Variants in DLGAP4 observed in about 807,000 individuals in gnomAD.
The protein encoded by DLGAP4 is DLG associated protein 4.
DLGAP4 carries 18 observed loss-of-function variants against 86.9 expected under a neutral mutation model. The ratio of observed to expected loss-of-function variants is 0.21; its 90% CI spans 0.14 to 0.31. The LOEUF is 0.31. Among genes scored for constraint, DLGAP4 ranks in the 10% least tolerant of loss-of-function variants. The pLI, the probability that DLGAP4 is intolerant of heterozygous loss-of-function variation, is 1.00. For synonymous variants in DLGAP4, 548 were observed against 574.3 expected (o/e 0.95, Z 0.65); for missense variants, 1,085 against 1,362.6 (o/e 0.80, Z 3.21).
chr20:36,318,621 A>C (rs1185536242), intron 1 of DLGAP4, among the ~76,000 whole-genome samples: 3 of 152,058 alleles, frequency 2.0e-5, no homozygotes, highest in Non-Finnish European at 4.4e-5. Context: ...TGATCCTCCC[A>C]CCTCAACCTC....
intron 2 of DLGAP4, among the ~76,000 whole-genome samples, chr20:36,430,741 G>A (rs2147537402): frequency 6.6e-6 from 1 of 151,852 alleles, no homozygotes; most frequent in South Asian, 2.1e-4. Context: ...GATCACTTGA[G>A]GTCAGGAGTT....
At chr20:36,509,465 G>T (rs2036565566) in intron 10 of DLGAP4, among the ~76,000 whole-genome samples, 2 of 152,076 alleles carry the variant, frequency 1.3e-5, no homozygotes, top group South Asian at 4.1e-4. Flanking sequence ...CAGCTACTCG[G>T]GAGGCTGAGG....
intron 10 of DLGAP4, among the ~76,000 whole-genome samples, chr20:36,521,337 GC>G (rs1673595708): frequency 6.6e-6 from 1 of 152,056 alleles, no homozygotes; most frequent in South Asian, 2.1e-4. Context: ...TCTCTTCCAT[GC>G]CTCTGAATCT....
At chr20:36,492,232 A>G (rs2147749133) in intron 7 of DLGAP4, among the ~76,000 whole-genome samples, 1 of 152,226 alleles carries the variant, frequency 6.6e-6, no homozygotes, top group Admixed American at 6.5e-5. Flanking sequence ...GTTAGGTCCC[A>G]TCTCCCTGCT....
chr20:36,375,753 T>C (rs572245197), intron 2 of DLGAP4, among the ~76,000 whole-genome samples: 1 of 152,054 alleles, frequency 6.6e-6, no homozygotes, highest in Non-Finnish European at 1.5e-5. Context: ...CCTGTTGAGC[T>C]TTTAGGCAGG....
At chr20:36,501,322 T>C (rs2036136855) in intron 10 of DLGAP4, among the ~76,000 whole-genome samples, 1 of 152,032 alleles carries the variant, frequency 6.6e-6, no homozygotes, top group East Asian at 1.9e-4. Context: ...TGCCTCTGCC[T>C]CCCAGAGTGC....
In DLGAP4 at chr20:36,484,207, ATATAGT is replaced by A. The variant is rs147347896; in HGVS notation, c.1649-12495_1649-12490del. ...GGCCTGGTGAAGAGTTGGTGAGCCGATATAGTTAAAGTGCTTCATGCTAGGCCAGTT... is the reference window on the plus strand; with the variant it reads ...GGCCTGGTGAAGAGTTGGTGAGCCGATAAAGTGCTTCATGCTAGGCCAGTT... On this transcript the variant is annotated intron_variant, in intron 7 of 12. Coordinates refer to ENST00000339266, the MANE Select transcript of DLGAP4 (RefSeq NM_001365621.2). 6.1e-3 allele frequency among the ~76,000 whole-genome samples: 936 copies of A among 152,200 alleles called. 11 individuals carry two copies. The highest frequency in any genetic ancestry group is 0.021 in the African/African-American group (881 of 41,514).
intron 3 of DLGAP4, among the ~76,000 whole-genome samples, chr20:36,434,602 G>C (rs1600523895): frequency 6.6e-6 from 1 of 152,208 alleles, no homozygotes; most frequent in East Asian, 1.9e-4. Flanking sequence ...TTTCTGAGCA[G>C]TGATGTACAA....
Position 36,527,054 on chromosome 20 carries a change from G to T in DLGAP4, c.*23G>T, listed in dbSNP as rs564490882. ...TGAGACCATGCAGGAGGAAAGAAAC[G>T]ATTTTAAATCATTAAAAACACAAAA... On this transcript the variant is annotated 3_prime_UTR_variant, in exon 13 of 13. Transcript: ENST00000339266. 5 of 1,563,942 alleles carry T rather than the reference G, an allele frequency of 3.2e-6. No individual in the cohort carries two copies. In the South Asian group the frequency reaches 5.7e-5, roughly 18 times the overall value.
chr20:36,365,583 G>A (rs996108095), intron 1 of DLGAP4, among the ~76,000 whole-genome samples: 5 of 152,200 alleles, frequency 3.3e-5, no homozygotes, highest in Non-Finnish European at 5.9e-5. Context: ...CTTCCTGGGT[G>A]TGTGGTTGTC....
intron 2 of DLGAP4, among the ~76,000 whole-genome samples, chr20:36,428,892 T>C (rs2033051852): frequency 6.6e-6 from 1 of 152,102 alleles, no homozygotes; most frequent in Non-Finnish European, 1.5e-5. Context: ...ACTCCTGGCC[T>C]CAAGCAATCC....
At chr20:36,396,129 C>T (rs1034125361) in intron 2 of DLGAP4, among the ~76,000 whole-genome samples, 3 of 151,962 alleles carry the variant, frequency 2.0e-5, no homozygotes, top group Non-Finnish European at 4.4e-5. Context: ...GCACCACCTC[C>T]GGAAAGGCTG....
chr20:36,394,692 G>T (rs761184265), intron 2 of DLGAP4, among the ~76,000 whole-genome samples: 2 of 97,386 alleles, frequency 2.1e-5, no homozygotes, highest in Admixed American at 1.4e-4. Context: ...CACCCTTTCC[G>T]GTCCCTCTCC....
At chr20:36,525,056 A>AAAAG (rs1189289474) in intron 11 of DLGAP4, among the ~76,000 whole-genome samples, 1 of 149,268 alleles carries the variant, frequency 6.7e-6, no homozygotes, top group Non-Finnish European at 1.5e-5. Flanking sequence ...TTCTGTACTA[A>AAAAG]AAAGACAAAA....
chr20:36,381,580 A>T (rs998089348), intron 2 of DLGAP4, among the ~76,000 whole-genome samples: 1 of 152,208 alleles, frequency 6.6e-6, no homozygotes, highest in African/African-American at 2.4e-5. Context: ...GGGACCTAGC[A>T]GTGAACAAGA....
At chr20:36,372,111 T>C (rs897477334) in intron 2 of DLGAP4, among the ~76,000 whole-genome samples, 8 of 152,204 alleles carry the variant, frequency 5.3e-5, no homozygotes, top group African/African-American at 1.9e-4. Flanking sequence ...AGTTTCCTCT[T>C]CTGCAAAACA....
chr20:36,349,104 CAAAAAAAAAAAAAAAA>C (rs539585564), intron 1 of DLGAP4, among the ~76,000 whole-genome samples: 7 of 39,892 alleles, frequency 1.8e-4, no homozygotes, highest in Non-Finnish European at 1.8e-4. Context: ...GACTCCATCT[CAAAAAAAAAAAAAAAA>C]AAAAAAAAAA....
chr20:36,317,471 T>C (rs2065120959), intron 1 of DLGAP4, among the ~76,000 whole-genome samples: 1 of 145,658 alleles, frequency 6.9e-6, no homozygotes, highest in African/African-American at 2.5e-5. Flanking sequence ...TTCTTTTTTT[T>C]TTTTTTTGTC....
intron 2 of DLGAP4, among the ~76,000 whole-genome samples, chr20:36,396,365 CAT>C (rs1569484539): frequency 0.024 from 1,069 of 44,974 alleles, 7 homozygotes; most frequent in Middle Eastern, 0.054. Context: ...ACCACACGCA[CAT>C]ACACACACCC....
Sources: allele counts gnomAD v4.1 joint callset (sites outside exome capture counted in the v4.1 genomes callset), GRCh38; gene constraint gnomAD v4.1.1; transcripts MANE v1.5; gene names NCBI Gene and HGNC (gene_info 2026-07-23, HGNC 2026-07-21).